Variants in SRCAP observed in about 807,000 individuals in gnomAD.
The protein encoded by SRCAP is Snf2 related CREBBP activator protein.
Under a neutral mutation model 263.1 loss-of-function variants are expected in SRCAP, and 46 were observed. The observed-to-expected ratio is 0.17, with a 90% CI of 0.14 to 0.22. The LOEUF is 0.22. Among genes scored for constraint, SRCAP ranks in the 10% least tolerant of loss-of-function variants. SRCAP has a pLI of 1.00. For synonymous variants in SRCAP, 1,813 were observed against 1,662.1 expected (o/e 1.09, Z -2.21); for missense variants, 3,695 against 4,181.9 (o/e 0.88, Z 3.21).
At chr16:30,717,558 C>T (rs973745391) in intron 18 of SRCAP, among the ~76,000 whole-genome samples, 2 of 150,960 alleles carry the variant, frequency 1.3e-5, no homozygotes, top group African/African-American at 4.9e-5. Context: ...ATAGTCCTCC[C>T]GCCTCAGCCT....
At chr16:30,710,665 G>A (rs769200576) in intron 8 of SRCAP, 89 bp from the exon 9 acceptor site, 2 of 1,312,634 alleles carry the variant, frequency 1.5e-6, no homozygotes, top group Admixed American at 3.4e-5. Context: ...ATGGGACAGT[G>A]ATTCTCCTGT....
chr16:30,706,921 A>G (rs924745021), intron 4 of SRCAP, among the ~76,000 whole-genome samples: 1 of 152,130 alleles, frequency 6.6e-6, no homozygotes, highest in Non-Finnish European at 1.5e-5. Flanking sequence ...CCTCAGACCT[A>G]TTTTTGATTC....
At position 30,724,582 on chromosome 16, in the gene SRCAP, C is replaced by G. The variant is rs768813824; in HGVS notation, c.5158C>G (p.Pro1720Ala). Residue 1720 changes from proline (P) to alanine (A), a missense_variant, in exon 25 of 34, where the codon CCA becomes GCA. Physicochemically the swap from Pro to Ala is conservative, Grantham distance 27. Around this residue, in one of 12 missense-constraint regions of SRCAP, gnomAD observed 1,347 missense variants for 1,304.4 expected, o/e 1.03. Transcript: ENST00000262518. The stretch of plus-strand genomic sequence containing the variant: ...TCCAACTCAGACATTGTCATTAACT[C>G]CAGCATCATCCCTGGTACCAACTCC... ...PFPTQTLSLT[P>A]ASSLVPTPAQ... The G allele has an allele frequency of 1.9e-6, 3 of 1,614,198 alleles. No homozygotes were observed. The highest frequency in any genetic ancestry group is 2.5e-6 in the Non-Finnish European group (3 of 1,180,048).
At chr16:30,720,421 A>G in intron 19 of SRCAP, 90 bp downstream of exon 19, 2 of 1,441,564 alleles carry the variant, frequency 1.4e-6, no homozygotes, top group Non-Finnish European at 1.9e-6. Flanking sequence ...AAAGAGTTGG[A>G]TGCAAGGCTG....
At chr16:30,699,316 C>T (rs2052739382) in intron 1 of SRCAP, 74 bp downstream of exon 1, 1 of 397,960 alleles carries the variant, frequency 2.5e-6, no homozygotes, top group Non-Finnish European at 4.4e-6. Context: ...TAGGAATTTC[C>T]TTAAACACTG....
chr16:30,720,209 C>G lies in SRCAP; in HGVS notation c.2865C>G (p.Val955=), dbSNP rs779810136. 5.0e-6 allele frequency: 8 copies of G among 1,613,836 alleles called. No individual in the cohort carries two copies. The highest frequency in any genetic ancestry group is 1.6e-4 in the Middle Eastern group (1 of 6,084). ...ACCTTATTGGCCTGGAAGGTCGTGT[C>G]TCTCGATATGAGGCAGACACATTTC... ...RFDLIGLEGR[V]SRYEADTFLP... Residue 955 remains valine (V), a synonymous_variant, in exon 19 of 34, where the codon GTC becomes GTG. Coordinates refer to ENST00000262518, the MANE Select transcript of SRCAP (RefSeq NM_006662.3).
intron 8 of SRCAP, among the ~76,000 whole-genome samples, chr16:30,710,333 G>T (rs1480908532): frequency 6.6e-6 from 1 of 152,226 alleles, no homozygotes; most frequent in East Asian, 1.9e-4. Context: ...TATAGTGGAA[G>T]AGCGTATTGC....
chr16:30,729,016 G>A lies in SRCAP; in HGVS notation c.5709G>A (p.Arg1903=). 6.2e-7 allele frequency: 1 copy of A among 1,614,150 alleles called. No homozygotes were observed. Among genetic ancestry groups the A allele is most frequent in the Non-Finnish European group, 8.5e-7 (1 of 1,180,016 alleles). ...GGCAGCGGTCTGAACGCCTGGAACG[G>A]ATTTTCCAACTTAGTGAGGCTCATG... The part of the protein sequence containing the change: ...RKRQRSERLE[R]IFQLSEAHGA... The change falls in exon 26 of 34, where the codon CGG becomes CGA. Residue 1903 remains arginine, a synonymous_variant. Transcript: ENST00000262518.
chr16:30,733,888 C>G lies in SRCAP; in HGVS notation c.6495-6C>G. The G allele has an allele frequency of 6.2e-7, 1 of 1,613,898 alleles. No homozygotes were observed. Among genetic ancestry groups the G allele is most frequent in the East Asian group, 2.2e-5 (1 of 44,876 alleles). Reference sequence around the variant, plus strand: ...CTGCTTACACACGGCCTTCATCACCCCCTAGGCTTATCAGTGAACGGACAG... The same window carrying G: ...CTGCTTACACACGGCCTTCATCACCGCCTAGGCTTATCAGTGAACGGACAG... On this transcript the variant is annotated splice_polypyrimidine_tract_variant and splice_region_variant and intron_variant, in intron 29 of 33. Coordinates refer to ENST00000262518, the MANE Select transcript of SRCAP (RefSeq NM_006662.3). This position sits in a 1 kb window ranked among gnomAD's most constrained non-coding sequence, Gnocchi z 5.3.
In SRCAP at chr16:30,737,517, C is replaced by G. The variant is rs1196054849; in HGVS notation, c.7477C>G (p.Pro2493Ala). 6.2e-7 allele frequency: 1 copy of G among 1,604,228 alleles called. No homozygotes were observed. The highest frequency in any genetic ancestry group is 8.5e-7 in the Non-Finnish European group (1 of 1,171,316). Residue 2493 changes from proline (P) to alanine (A), a missense_variant, in exon 34 of 34, where the codon CCT becomes GCT. By Grantham distance (27) the Pro-to-Ala change is conservative. Around this residue, in one of 12 missense-constraint regions of SRCAP, gnomAD observed 1,207 missense variants for 1,142.9 expected, o/e 1.06. Coordinates refer to ENST00000262518, the MANE Select transcript of SRCAP (RefSeq NM_006662.3). Reference sequence around the variant, plus strand: ...TCCTCCCCCTCCTTCACAGATTCCTCCTTGTTCTTCTCCTGCCTGCACCCC... The same window carrying G: ...TCCTCCCCCTCCTTCACAGATTCCTGCTTGTTCTTCTCCTGCCTGCACCCC... ...PSPPPPSQIP[P>A]CSSPACTPPP...
chr16:30,732,855 C>T (rs578026264), intron 27 of SRCAP, among the ~76,000 whole-genome samples: 1 of 152,266 alleles, frequency 6.6e-6, no homozygotes, highest in South Asian at 2.1e-4. Flanking sequence ...TTTTTTGTGA[C>T]AGGGTCTCGC....
At position 30,722,756 on chromosome 16, in the gene SRCAP, T is replaced by C. The variant is rs1291853986; in HGVS notation, c.3892+8T>C. Reference sequence around the variant, plus strand: ...CGCTTGCTGCTAACCAGGGTGAGGCTCCTGGCCTTCCTACTTAGCCCTTGC... The same window carrying C: ...CGCTTGCTGCTAACCAGGGTGAGGCCCCTGGCCTTCCTACTTAGCCCTTGC... On this transcript the variant is annotated splice_region_variant and intron_variant, in intron 23 of 33. Coordinates refer to ENST00000262518, the MANE Select transcript of SRCAP (RefSeq NM_006662.3). The C allele has an allele frequency of 2.5e-6, 4 of 1,603,862 alleles. No individual in the cohort carries two copies. Among genetic ancestry groups the C allele is most frequent in the Admixed American group, 3.4e-5 (2 of 59,414 alleles).
In SRCAP at chr16:30,711,851, G is replaced by A; in HGVS notation, c.1509G>A (p.Arg503=). The A allele has an allele frequency of 6.2e-7, 1 of 1,613,820 alleles. No individual in the cohort carries two copies. Among genetic ancestry groups the A allele is most frequent in the East Asian group, 2.2e-5 (1 of 44,864 alleles). The change falls in exon 12 of 34, where the codon CGG becomes CGA. Residue 503 remains arginine, a synonymous_variant. Transcript: ENST00000262518. ...ACCCTTTAGACTCTGTGGAGGACCG[G>A]AGTGAGGATGAGGAAGATGAACATT... The part of the protein sequence containing the change: ...SSSQSDSVED[R]SEDEEDEHSE...
intron 9 of SRCAP, 39 bp from the exon 10 acceptor site, chr16:30,710,960 C>T (rs1043022113): frequency 1.3e-5 from 20 of 1,599,878 alleles, no homozygotes; most frequent in Middle Eastern, 1.7e-4. Context: ...GTGCCTCTAG[C>T]CTCTATCCCT....
intron 9 of SRCAP, 38 bp from the exon 10 acceptor site, chr16:30,710,961 C>G (rs1388771764): frequency 6.2e-7 from 1 of 1,601,652 alleles, no homozygotes; most frequent in Non-Finnish European, 8.6e-7. Context: ...TGCCTCTAGC[C>G]TCTATCCCTA....
rs1438657572 is a variant in SRCAP, at chr16:30,720,910, C to T, written c.3185C>T (p.Pro1062Leu). ...SASPAGPPLI[P>L]ASRPPGPVLL... is the part of the protein sequence containing the mutation. ...TCACCTGCCGGGCCCCCGCTTATTC[C>T]TGCATCTCGGCCTCCTGGCCCTGTC... Residue 1062 changes from proline (P) to leucine (L), a missense_variant, in exon 20 of 34, where the codon CCT becomes CTT. Transcript: ENST00000262518. The T allele has an allele frequency of 6.2e-7, 1 of 1,614,018 alleles. No individual in the cohort carries two copies. Among genetic ancestry groups the T allele is most frequent in the African/African-American group, 1.3e-5 (1 of 74,942 alleles).
At chr16:30,711,502 C>G in intron 10 of SRCAP, 69 bp from the exon 11 acceptor site, 1 of 1,469,304 alleles carries the variant, frequency 6.8e-7, no homozygotes, top group Non-Finnish European at 9.1e-7. Context: ...GTAAAATTAA[C>G]TGGTACTACT....
At position 30,725,124 on chromosome 16, in the gene SRCAP, C is replaced by T. The variant is rs762049262; in HGVS notation, c.5658+42C>T. 1.0e-5 allele frequency: 16 copies of T among 1,561,160 alleles called. No homozygotes were observed. In the East Asian group the frequency reaches 1.1e-4, roughly 11 times the overall value. ...CAAGAGGGAACAGGAAGTTGAGTTT[C>T]TTTGGAGTGTTGGTAGGGTGGATGG... is the stretch of plus-strand genomic sequence containing the variant. On this transcript the variant is annotated intron_variant, in intron 25 of 33. Transcript: ENST00000262518.
In SRCAP at chr16:30,700,856, A is replaced by G. The variant is rs2052757919; in HGVS notation, c.32A>G (p.Gln11Arg). The change falls in exon 3 of 34, where the codon CAG (glutamine) becomes CGG (arginine). Residue 11 changes from glutamine to arginine, a missense_variant. Coordinates refer to ENST00000262518, the MANE Select transcript of SRCAP (RefSeq NM_006662.3). ...AGCAGCCCCTCCCCTGCTCACCCTC[A>G]GCTCCCAGTCCTACAGACACAGGTT... is the stretch of plus-strand genomic sequence containing the variant. MQSSPSPAHP[Q>R]LPVLQTQMVS... 1 of 1,614,044 alleles carries G rather than the reference A, an allele frequency of 6.2e-7. No homozygotes were observed. The highest frequency in any genetic ancestry group is 1.1e-5 in the South Asian group (1 of 91,092).
Sources: gnomAD v4.1 joint callset for allele counts (sites outside exome capture counted in the v4.1 genomes callset) on GRCh38, gnomAD v4.1.1 for gene constraint, gnomAD v4.1.1 regional missense constraint, Gnocchi (gnomAD v3.1) non-coding constraint, MANE v1.5 for transcripts, NCBI Gene and HGNC (gene_info 2026-07-23, HGNC 2026-07-21) for gene names.